PRUNE2: variants seen among roughly 807,000 people sequenced by gnomAD.
The protein encoded by PRUNE2 is prune homolog 2 with BCH domain, also known as protein prune homolog 2.
PRUNE2 carries 164 observed loss-of-function variants against 252.0 expected under a neutral mutation model. That is an observed-to-expected ratio of 0.65 (90% CI 0.57 to 0.74). The LOEUF is 0.74. Among genes scored for constraint, PRUNE2 ranks in the 30% least tolerant of loss-of-function variants. The pLI is 0.00. For synonymous variants in PRUNE2, 1,292 were observed against 1,350.2 expected, an observed-to-expected ratio of 0.96 and a Z score of 0.94; for missense variants, 3,495 against 3,711.0, an observed-to-expected ratio of 0.94 and a Z score of 1.51.
chr9:76,673,256 T>C (rs1188945574), intron 9 of PRUNE2, among the ~76,000 whole-genome samples: 26 of 149,770 alleles, frequency 1.7e-4, no homozygotes, highest in Non-Finnish European at 3.3e-4. Context: ...CAAACTACCA[T>C]CAGGGAATAC....
chr9:76,893,849 T>C (rs7865481), intron 1 of PRUNE2, among the ~76,000 whole-genome samples: 1,582 of 152,252 alleles, frequency 0.01, 29 homozygotes, highest in African/African-American at 0.036. Context: ...CCAAGAGTAA[T>C]GACACTTCAG....
At chr9:76,759,629 C>G (rs2051500439) in intron 6 of PRUNE2, 2 of 152,246 alleles carry the variant, frequency 1.3e-5, no homozygotes, top group Admixed American at 6.5e-5. Context: ...GCTCCCCATC[C>G]ATCCTGCTGA....
At chr9:76,683,188 G>A (rs1474017577) in intron 9 of PRUNE2, among the ~76,000 whole-genome samples, 1 of 152,190 alleles carries the variant, frequency 6.6e-6, no homozygotes, top group Admixed American at 6.5e-5. Flanking sequence ...CCCCGCCCCT[G>A]CCAGAGTGAT....
chr9:76,837,380 T>A (rs1441849970), intron 4 of PRUNE2, among the ~76,000 whole-genome samples: 2 of 151,632 alleles, frequency 1.3e-5, no homozygotes, highest in Non-Finnish European at 2.9e-5. Flanking sequence ...AGGCAGAGAT[T>A]GCAGTGAGCC....
At chr9:76,696,843 TC>T (rs1174588451) in intron 9 of PRUNE2, among the ~76,000 whole-genome samples, 3 of 152,230 alleles carry the variant, frequency 2.0e-5, no homozygotes, top group African/African-American at 7.2e-5. Flanking sequence ...GGTGGCCTTT[TC>T]TACCTGAAAT....
Position 76,745,253 on chromosome 9 carries a change from C to T in PRUNE2, c.757-31532G>A, listed in dbSNP as rs2049997707. On this transcript the variant is annotated intron_variant, in intron 6 of 18. Transcript: ENST00000376718. ...TATAGTTTAAATAATAACAGCCCTT[C>T]CCTAAAATTCAGCTGCCGTTGTAAA... Among the ~76,000 whole-genome samples, 3 of 152,156 alleles carry T rather than the reference C, an allele frequency of 2.0e-5. No individual in the cohort carries two copies. In the South Asian group the frequency reaches 6.2e-4, roughly 32 times the overall value.
At chr9:76,731,324 A>ATATT (rs1332074252) in intron 6 of PRUNE2, among the ~76,000 whole-genome samples, 111 of 106,794 alleles carry the variant, frequency 1.0e-3, no homozygotes, top group Non-Finnish European at 1.7e-3. Flanking sequence ...ATATATATAT[A>ATATT]TTTTTTTTTT....
chr9:76,658,540 G>C (rs1478067072), intron 9 of PRUNE2, among the ~76,000 whole-genome samples: 2 of 152,228 alleles, frequency 1.3e-5, no homozygotes, highest in Non-Finnish European at 2.9e-5. Context: ...TGGCCAAACA[G>C]CAGTTGTTGA....
Position 76,826,653 on chromosome 9 carries a change from T to C in PRUNE2, c.588A>G (p.Glu196=), listed in dbSNP as rs1338301248. 1.6e-5 allele frequency: 25 copies of C among 1,612,886 alleles called. No individual in the cohort carries two copies. The highest frequency in any genetic ancestry group is 2.1e-5 in the Non-Finnish European group (25 of 1,179,280). ...EKQEEILSIL[E]EKFPNLPPRE... is the part of the protein sequence containing the mutation. ...TTGGAGGCAAGTTAGGAAATTTTTC[T>C]TCCAGGATAGAAAGAATTTCCTCCT... The change falls in exon 5 of 19, where the codon GAA becomes GAG. Residue 196 remains glutamate (E), a synonymous_variant. Transcript: ENST00000376718.
At chr9:76,864,814 C>A (rs2060747450) in intron 1 of PRUNE2, among the ~76,000 whole-genome samples, 1 of 152,156 alleles carries the variant, frequency 6.6e-6, no homozygotes, top group South Asian at 2.1e-4. Flanking sequence ...ATTAGACCAA[C>A]AATAAAATGT....
At chr9:76,655,899 A>T (rs534447210) in intron 9 of PRUNE2, among the ~76,000 whole-genome samples, 1 of 152,326 alleles carries the variant, frequency 6.6e-6, no homozygotes, top group South Asian at 2.1e-4. Flanking sequence ...TTTTAATTAA[A>T]TTCCCATGGA....
At chr9:76,816,260 C>T (rs562098652) in intron 6 of PRUNE2, among the ~76,000 whole-genome samples, 45 of 151,820 alleles carry the variant, frequency 3.0e-4, no homozygotes, top group African/African-American at 1.0e-3. Flanking sequence ...TACCTACATA[C>T]AAATTGTAAA....
chr9:76,822,680 G>A (rs1214093124), intron 6 of PRUNE2, among the ~76,000 whole-genome samples: 2 of 152,060 alleles, frequency 1.3e-5, no homozygotes, highest in African/African-American at 2.4e-5. Flanking sequence ...GGTGGCGGGC[G>A]CCTTTAATCC....
At chr9:76,679,245 T>C (rs186602953) in intron 9 of PRUNE2, among the ~76,000 whole-genome samples, 1 of 152,350 alleles carries the variant, frequency 6.6e-6, no homozygotes, top group East Asian at 1.9e-4. Context: ...GATTAGATAT[T>C]GCTGTTACCA....
chr9:76,774,451 T>TCTA (rs2053481501), intron 6 of PRUNE2, among the ~76,000 whole-genome samples: 8 of 80,966 alleles, frequency 9.9e-5, no homozygotes, highest in African/African-American at 3.5e-4. Context: ...AGTTCAACCC[T>TCTA]TTTTTTTTTT....
intron 6 of PRUNE2, among the ~76,000 whole-genome samples, chr9:76,795,920 G>C (rs1470520520): frequency 2.0e-5 from 3 of 152,114 alleles, no homozygotes; most frequent in African/African-American, 7.2e-5. Context: ...GAGAGAATAA[G>C]ACTCAAACAG....
intron 6 of PRUNE2, among the ~76,000 whole-genome samples, chr9:76,768,082 T>G (rs2052620926): frequency 6.6e-6 from 1 of 152,044 alleles, no homozygotes; most frequent in African/African-American, 2.4e-5. Context: ...CACCAATCCC[T>G]CCCTGGCCAT....
chr9:76,748,424 G>C (rs2050325684), intron 6 of PRUNE2, among the ~76,000 whole-genome samples: 1 of 152,134 alleles, frequency 6.6e-6, no homozygotes, highest in African/African-American at 2.4e-5. Context: ...CCAGAGGAGA[G>C]GCACCAAATT....
chr9:76,862,409 G>A (rs1251832908), intron 1 of PRUNE2: 1 of 152,218 alleles, frequency 6.6e-6, no homozygotes, highest in African/African-American at 2.4e-5. Context: ...ATGAACATAT[G>A]TCTAGGTCAC....
Sources: gnomAD v4.1 joint callset for allele counts (sites outside exome capture counted in the v4.1 genomes callset) on GRCh38, gnomAD v4.1.1 for gene constraint, MANE v1.5 for transcripts, NCBI Gene and HGNC (gene_info 2026-07-23, HGNC 2026-07-21) for gene names.